Variants in TRPM3 observed in about 807,000 individuals in gnomAD.
The protein encoded by TRPM3 is transient receptor potential cation channel subfamily M member 3.
In TRPM3, 77 loss-of-function variants were observed where a neutral mutation model predicts 181.2. That is an observed-to-expected ratio of 0.42 (90% CI 0.35 to 0.51). The LOEUF is 0.51. Among genes scored for constraint, TRPM3 ranks in the 20% least tolerant of loss-of-function variants. The probability of loss-of-function intolerance (pLI) is 0.01; values close to 1 mark genes in which losing one functional copy is unlikely to be tolerated. For synonymous variants in TRPM3, 745 were observed against 796.4 expected (o/e 0.94, Z 1.09); for missense variants, 1,759 against 2,196.7 (o/e 0.80, Z 3.98).
intron 7 of TRPM3, chr9:70,774,763 G>A (rs2081025857): frequency 6.6e-6 from 1 of 152,178 alleles, no homozygotes; most frequent in African/African-American, 2.4e-5. Flanking sequence ...CTCATGAATG[G>A]ACACTTGCTT....
At chr9:71,048,834 A>G (rs2059753789) in intron 1 of TRPM3, among the ~76,000 whole-genome samples, 1 of 152,172 alleles carries the variant, frequency 6.6e-6, no homozygotes, top group South Asian at 2.1e-4. Flanking sequence ...TGTGAGAGGA[A>G]TATCTGGATG....
At position 70,536,932 on chromosome 9, in the gene TRPM3, G is replaced by A; in HGVS notation, c.4181C>T (p.Ala1394Val). ...AACAATGGCCAAGGTGTTGGCAGGG[G>A]CTGCAGGAGCTTTGGGTTCTTTTGC... Reference protein sequence around the residue: ...SVAKEPKAPAAPANTLAIVPD... With the variant: ...SVAKEPKAPAVPANTLAIVPD... Residue 1394 changes from alanine to valine, a missense_variant, in exon 26 of 26, where the codon GCC becomes GTC. Ala to Val is a moderately conservative substitution (Grantham distance 64). Coordinates refer to ENST00000677713, the MANE Select transcript of TRPM3 (RefSeq NM_001366145.2). The A allele has an allele frequency of 6.2e-7, 1 of 1,614,226 alleles. No individual in the cohort carries two copies. Among genetic ancestry groups the A allele is most frequent in the African/African-American group, 1.3e-5 (1 of 75,054 alleles).
At chr9:71,393,551 T>C (rs895469602) in intron 1 of TRPM3, among the ~76,000 whole-genome samples, 2 of 151,966 alleles carry the variant, frequency 1.3e-5, no homozygotes, top group Admixed American at 6.6e-5. Context: ...CCAAGGAAAA[T>C]CTTTGGATAC....
At chr9:71,293,496 A>G (rs13290117) in intron 1 of TRPM3, among the ~76,000 whole-genome samples, 28,678 of 151,722 alleles carry the variant, frequency 0.19, 2,779 homozygotes, top group African/African-American at 0.25. Flanking sequence ...GTGGTACCTA[A>G]GAATAAATCT....
At chr9:70,678,968 TC>T (rs535748640) in intron 9 of TRPM3, among the ~76,000 whole-genome samples, 5 of 152,356 alleles carry the variant, frequency 3.3e-5, no homozygotes, top group African/African-American at 1.2e-4. Flanking sequence ...CACATCATAA[TC>T]TTTTAATGGC....
chr9:71,256,441 T>C (rs529738232), intron 1 of TRPM3, among the ~76,000 whole-genome samples: 9 of 152,056 alleles, frequency 5.9e-5, no homozygotes, highest in Admixed American at 4.6e-4. Flanking sequence ...CCCAGACTGG[T>C]ACATAAGGAG....
At chr9:71,328,414 C>A (rs561140589) in intron 1 of TRPM3, among the ~76,000 whole-genome samples, 1 of 152,224 alleles carries the variant, frequency 6.6e-6, no homozygotes, top group African/African-American at 2.4e-5. Flanking sequence ...GATCTGCCCG[C>A]CTCGGCCTCC....
intron 1 of TRPM3, among the ~76,000 whole-genome samples, chr9:71,420,732 AGAGAAAGAG>A (rs1167708380): frequency 1.3e-3 from 52 of 39,148 alleles, no homozygotes; most frequent in Non-Finnish European, 2.7e-3. Flanking sequence ...AGAGAGAGAG[AGAGAAAGAG>A]AGAGAAAGAG....
intron 1 of TRPM3, among the ~76,000 whole-genome samples, chr9:71,139,133 CT>C (rs994874856): frequency 3.3e-5 from 5 of 152,068 alleles, no homozygotes; most frequent in African/African-American, 1.2e-4. Context: ...GCTATTTTAT[CT>C]TTCCAAATTG....
chr9:70,559,556 C>T (rs1380893845), intron 22 of TRPM3, among the ~76,000 whole-genome samples: 1 of 152,178 alleles, frequency 6.6e-6, no homozygotes, highest in Admixed American at 6.5e-5. Flanking sequence ...CATCTTGCAT[C>T]CATGACAGAC....
At chr9:71,100,881 G>A (rs911248858) in intron 1 of TRPM3, among the ~76,000 whole-genome samples, 6 of 152,114 alleles carry the variant, frequency 3.9e-5, no homozygotes, top group South Asian at 2.1e-4. Flanking sequence ...GCTTAGAGTC[G>A]TAACACAAAT....
chr9:71,006,865 C>T (rs1208202073), intron 1 of TRPM3, among the ~76,000 whole-genome samples: 20 of 72,596 alleles, frequency 2.8e-4, no homozygotes, highest in East Asian at 1.4e-3. Context: ...AGCGAGACTC[C>T]GTCTCAAAAA....
intron 9 of TRPM3, among the ~76,000 whole-genome samples, chr9:70,669,018 T>C (rs923468260): frequency 6.6e-6 from 1 of 152,210 alleles, no homozygotes; most frequent in Non-Finnish European, 1.5e-5. Context: ...ATTAGCTTAC[T>C]GTGCAGATCA....
chr9:70,658,354 T>C (rs2060653361), intron 9 of TRPM3, among the ~76,000 whole-genome samples: 1 of 152,212 alleles, frequency 6.6e-6, no homozygotes, highest in Non-Finnish European at 1.5e-5. Flanking sequence ...TATGTATTTT[T>C]CTGACCTAAT....
At chr9:70,882,077 A>G (rs893735531) in intron 1 of TRPM3, among the ~76,000 whole-genome samples, 2 of 152,204 alleles carry the variant, frequency 1.3e-5, no homozygotes, top group Admixed American at 6.5e-5. Flanking sequence ...CCAAAAGACT[A>G]AGAGTCAACT....
At chr9:70,613,216 A>G (rs938007373) in intron 18 of TRPM3, among the ~76,000 whole-genome samples, 2 of 152,196 alleles carry the variant, frequency 1.3e-5, no homozygotes, top group Non-Finnish European at 2.9e-5. Flanking sequence ...TTTTCTCTGT[A>G]TTCAGACATT....
At chr9:70,623,182 T>C (rs1008762645) in intron 14 of TRPM3, among the ~76,000 whole-genome samples, 1 of 152,006 alleles carries the variant, frequency 6.6e-6, no homozygotes, top group Non-Finnish European at 1.5e-5. Flanking sequence ...CTGGCCAACA[T>C]GGCGAAACCC....
At chr9:70,902,766 G>A (rs2096404310) in intron 1 of TRPM3, among the ~76,000 whole-genome samples, 1 of 152,246 alleles carries the variant, frequency 6.6e-6, no homozygotes, top group Non-Finnish European at 1.5e-5. Flanking sequence ...TCCCTCATGA[G>A]TGAATGAATG....
chr9:70,770,010 C>T (rs13298973), intron 7 of TRPM3, among the ~76,000 whole-genome samples: 33,212 of 152,154 alleles, frequency 0.22, 4,464 homozygotes, highest in Non-Finnish European at 0.3. Flanking sequence ...TACAATCCAG[C>T]AATTTGGTTT....
Sources: allele counts gnomAD v4.1 joint callset (sites outside exome capture counted in the v4.1 genomes callset), GRCh38; gene constraint gnomAD v4.1.1; transcripts MANE v1.5; gene names NCBI Gene and HGNC (gene_info 2026-07-23, HGNC 2026-07-21).